Variants in ARHGAP15 observed in about 807,000 individuals in gnomAD.
The protein encoded by ARHGAP15 is rho GTPase-activating protein 15.
Under a neutral mutation model 63.7 loss-of-function variants are expected in ARHGAP15, and 51 were observed. That is an observed-to-expected ratio of 0.80 (90% CI 0.64 to 1.01). The LOEUF is 1.01. Among genes scored for constraint, ARHGAP15 ranks in the 50% least tolerant of loss-of-function variants. The pLI, the probability that ARHGAP15 is intolerant of heterozygous loss-of-function variation, is 0.00. For synonymous variants in ARHGAP15, 191 were observed against 193.8 expected, an observed-to-expected ratio of 0.99 and a Z score of 0.12; for missense variants, 560 against 564.6, an observed-to-expected ratio of 0.99 and a Z score of 0.08.
intron 6 of ARHGAP15, among the ~76,000 whole-genome samples, chr2:143,357,723 C>T (rs1041046199): frequency 1.3e-5 from 2 of 151,866 alleles, no homozygotes; most frequent in African/African-American, 2.4e-5. Context: ...TAGATTAATA[C>T]ATGAAAATCT....
At chr2:143,385,190 T>C (rs917051076) in intron 6 of ARHGAP15, among the ~76,000 whole-genome samples, 1 of 152,156 alleles carries the variant, frequency 6.6e-6, no homozygotes, top group Non-Finnish European at 1.5e-5. Context: ...AAGGAGTGTC[T>C]GCCTGATCTA....
At chr2:143,642,942 C>A (rs572208431) in intron 12 of ARHGAP15, among the ~76,000 whole-genome samples, 2 of 152,224 alleles carry the variant, frequency 1.3e-5, no homozygotes, top group South Asian at 4.1e-4. Context: ...TACAGTTAAT[C>A]CAGTATTGTG....
At chr2:143,536,377 A>AT (rs900342421) in intron 10 of ARHGAP15, among the ~76,000 whole-genome samples, 328 of 148,200 alleles carry the variant, frequency 2.2e-3, no homozygotes, top group African/African-American at 6.9e-3. Context: ...CAAAAGCAGG[A>AT]TTTTTTTTTT....
chr2:143,397,320 G>GTA (rs1687808082), intron 6 of ARHGAP15, among the ~76,000 whole-genome samples: 1 of 141,194 alleles, frequency 7.1e-6, no homozygotes, highest in Non-Finnish European at 1.5e-5. Context: ...ATATGTATGT[G>GTA]TGTGTGTGTG....
chr2:143,500,256 C>A (rs10166361), intron 9 of ARHGAP15, among the ~76,000 whole-genome samples: 3 of 145,516 alleles, frequency 2.1e-5, no homozygotes, highest in Non-Finnish European at 4.5e-5. Context: ...TTTATATATA[C>A]TTTTTTAATA....
At chr2:143,154,162 T>TA (rs1485457807) in intron 1 of ARHGAP15, among the ~76,000 whole-genome samples, 2 of 151,814 alleles carry the variant, frequency 1.3e-5, no homozygotes, top group Non-Finnish European at 1.5e-5. Flanking sequence ...TTTTTTCTTA[T>TA]AAAAATATGG....
intron 6 of ARHGAP15, among the ~76,000 whole-genome samples, chr2:143,413,966 T>TGTGTGTGCGC: frequency 0.018 from 2,088 of 117,852 alleles, 65 homozygotes; most frequent in African/African-American, 0.072. Context: ...TGTGTGTGTG[T>TGTGTGTGCGC]GCGCGCTCTC....
chr2:143,572,572 T>C (rs1696507510), intron 11 of ARHGAP15, among the ~76,000 whole-genome samples: 1 of 152,186 alleles, frequency 6.6e-6, no homozygotes, highest in South Asian at 2.1e-4. Context: ...TATAATCAGG[T>C]AAATAGTGAG....
chr2:143,720,939 G>A (rs1266310605), intron 13 of ARHGAP15, among the ~76,000 whole-genome samples: 1 of 151,586 alleles, frequency 6.6e-6, no homozygotes, highest in Non-Finnish European at 1.5e-5. Flanking sequence ...CGTGGTGGCG[G>A]GCGCCTGTAG....
At chr2:143,374,247 G>C (rs1427295120) in intron 6 of ARHGAP15, among the ~76,000 whole-genome samples, 1 of 152,072 alleles carries the variant, frequency 6.6e-6, no homozygotes, top group East Asian at 1.9e-4. Context: ...ATGGGATATA[G>C]AATATTATAG....
rs375610205 is a variant in ARHGAP15, at chr2:143,321,563, T to C, written c.474+70963T>C. On this transcript the variant is annotated intron_variant, in intron 6 of 13. Transcript: ENST00000295095. Reference sequence around the variant, plus strand: ...CTGCCCTTCCCTGAACCAATAACTATGAGCAGAGAAATAAAATTTTCTTCT... The same window carrying C: ...CTGCCCTTCCCTGAACCAATAACTACGAGCAGAGAAATAAAATTTTCTTCT... Among the ~76,000 whole-genome samples the C allele has an allele frequency of 2.6e-5, 4 of 152,316 alleles. No homozygotes were observed. In the South Asian group the frequency reaches 8.3e-4, roughly 32 times the overall value.
chr2:143,489,639 TAAAGC>T (rs1025874740), intron 9 of ARHGAP15, among the ~76,000 whole-genome samples: 7 of 152,290 alleles, frequency 4.6e-5, no homozygotes, highest in Non-Finnish European at 8.8e-5. Context: ...TTCTTACACT[TAAAGC>T]AAAGACTTAG....
intron 12 of ARHGAP15, among the ~76,000 whole-genome samples, chr2:143,652,859 A>G (rs1681242637): frequency 6.6e-6 from 1 of 152,098 alleles, no homozygotes; most frequent in African/African-American, 2.4e-5. Context: ...TCCTTGGATT[A>G]AGACAATAAT....
At chr2:143,457,885 A>G (rs1426742851) in intron 8 of ARHGAP15, among the ~76,000 whole-genome samples, 2 of 151,872 alleles carry the variant, frequency 1.3e-5, no homozygotes, top group Non-Finnish European at 2.9e-5. Context: ...CATAGTATTA[A>G]ATGTTTTTAA....
At chr2:143,728,134 C>G (rs1234401057) in intron 13 of ARHGAP15, among the ~76,000 whole-genome samples, 1 of 152,164 alleles carries the variant, frequency 6.6e-6, no homozygotes, top group African/African-American at 2.4e-5. Context: ...GGCTGGAAGT[C>G]CAAGGTCAAG....
chr2:143,661,954 G>A (rs959545806), intron 12 of ARHGAP15, among the ~76,000 whole-genome samples: 6 of 152,232 alleles, frequency 3.9e-5, no homozygotes, highest in African/African-American at 1.4e-4. Context: ...TAGCACAGCA[G>A]TCTGAGACCA....
At chr2:143,605,354 C>T (rs1697947805) in intron 11 of ARHGAP15, among the ~76,000 whole-genome samples, 1 of 152,172 alleles carries the variant, frequency 6.6e-6, no homozygotes, top group Admixed American at 6.5e-5. Context: ...TAGCTGAATT[C>T]TCATATGAAG....
At chr2:143,552,038 G>T (rs1307397225) in intron 10 of ARHGAP15, among the ~76,000 whole-genome samples, 1 of 152,120 alleles carries the variant, frequency 6.6e-6, no homozygotes, top group Non-Finnish European at 1.5e-5. Context: ...GAGTGTTCCC[G>T]TGCTCAAAGA....
intron 6 of ARHGAP15, among the ~76,000 whole-genome samples, chr2:143,434,715 A>G (rs11887324): frequency 1.0e-3 from 158 of 152,274 alleles, no homozygotes; most frequent in African/African-American, 3.5e-3. Context: ...TCAATAATAC[A>G]AAGGGAAAAT....
Sources: gnomAD v4.1 joint callset for allele counts (sites outside exome capture counted in the v4.1 genomes callset) on GRCh38, gnomAD v4.1.1 for gene constraint, MANE v1.5 for transcripts, NCBI Gene and HGNC (gene_info 2026-07-23, HGNC 2026-07-21) for gene names.